The following PHACTR2 variants were observed in gnomAD, a reference collection of about 807,000 sequenced individuals.
PHACTR2 encodes the protein phosphatase and actin regulator 2, also known as chromosome 6 open reading frame 56.
In PHACTR2, 30 loss-of-function variants were observed where a neutral mutation model predicts 76.0. The observed-to-expected ratio is 0.39, with a 90% CI of 0.30 to 0.54. PHACTR2 has a LOEUF of 0.54. PHACTR2 is among the 20% of genes least tolerant of loss of function. PHACTR2 has a pLI of 0.61. For missense variants in PHACTR2, 696 were observed against 781.1 expected (o/e 0.89, Z 1.30); for synonymous variants, 292 against 292.5 (o/e 1.00, Z 0.02).
chr6:143,626,536 C>CAAAAAAAAAAAAAAAAAAAAAAAAAAA (rs35107482), intron 1 of PHACTR2, among the ~76,000 whole-genome samples: 11 of 122,284 alleles, frequency 9.0e-5, no homozygotes, highest in Middle Eastern at 4.2e-3. Context: ...GACTCCGTCT[C>CAAAAAAAAAAAAAAAAAAAAAAAAAAA]AAAAAAAAAA....
At chr6:143,705,181 C>T (rs1011272468) in intron 1 of PHACTR2, among the ~76,000 whole-genome samples, 37 of 151,852 alleles carry the variant, frequency 2.4e-4, no homozygotes, top group African/African-American at 5.8e-4. Context: ...TAAAGTGGCG[C>T]GATCTTGGCT....
In PHACTR2 at chr6:143,722,587, C is replaced by A. The variant is rs544304753; in HGVS notation, c.214+10404C>A. Among the ~76,000 whole-genome samples, 23 of 152,090 alleles carry A rather than the reference C, an allele frequency of 1.5e-4. No homozygotes were observed. The highest frequency in any genetic ancestry group is 2.9e-4 in the Non-Finnish European group (20 of 68,018). On this transcript the variant is annotated intron_variant, in intron 2 of 12. Coordinates refer to ENST00000440869, the MANE Select transcript of PHACTR2 (RefSeq NM_001100164.2). This position sits in a 1 kb window ranked among gnomAD's most constrained non-coding sequence, Gnocchi z 4.1. ...AAATCAAGGTAATTGAGATATACAT[C>A]ACCTCAAACATTTATCGTTTCTTTT...
In PHACTR2 at chr6:143,765,168, A is replaced by G; in HGVS notation, c.695-93A>G. 1.0e-6 allele frequency: 1 copy of G among 974,512 alleles called. No individual in the cohort carries two copies. The highest frequency in any genetic ancestry group is 2.4e-5 in the East Asian group (1 of 41,504). The allele number at this position is 974,512 out of a possible 1,614,324, so 60.4% of individuals were successfully genotyped here. ...TTATTCAACAAACTTTAAAGGGAAC[A>G]TTTTAAATGTTGTTGACAGTTACAC... On this transcript the variant is annotated intron_variant, in intron 5 of 12. Coordinates refer to ENST00000440869, the MANE Select transcript of PHACTR2 (RefSeq NM_001100164.2). This position sits in a 1 kb window ranked among gnomAD's most constrained non-coding sequence, Gnocchi z 4.1.
chr6:143,817,803 G>C (rs1486918170), intron 12 of PHACTR2, among the ~76,000 whole-genome samples: 1 of 152,164 alleles, frequency 6.6e-6, no homozygotes, highest in Non-Finnish European at 1.5e-5. Context: ...CTAAAAAGTT[G>C]ATCTCATTGA....
chr6:143,655,361 T>C (rs1776832228), intron 1 of PHACTR2, among the ~76,000 whole-genome samples: 2 of 152,148 alleles, frequency 1.3e-5, no homozygotes, highest in South Asian at 4.1e-4. Flanking sequence ...GGTTTCTTAC[T>C]GGGTTGATGA....
intron 1 of PHACTR2, among the ~76,000 whole-genome samples, chr6:143,668,881 TC>T (rs1777095365): frequency 6.6e-6 from 1 of 152,222 alleles, no homozygotes; most frequent in South Asian, 2.1e-4. Flanking sequence ...TCAGTTCTGC[TC>T]TGGTCTTAGT....
At chr6:143,729,635 A>G (rs1293888709) in intron 2 of PHACTR2, among the ~76,000 whole-genome samples, 2 of 152,186 alleles carry the variant, frequency 1.3e-5, no homozygotes, top group South Asian at 4.1e-4. Flanking sequence ...TTAAAAATCA[A>G]TAAGCATATA....
chr6:143,628,177 G>C (rs972695955), intron 1 of PHACTR2, among the ~76,000 whole-genome samples: 1 of 152,120 alleles, frequency 6.6e-6, no homozygotes, highest in Non-Finnish European at 1.5e-5. Context: ...ACCACGTTTT[G>C]TTTCTCTATT....
intron 1 of PHACTR2, among the ~76,000 whole-genome samples, chr6:143,563,750 C>A (rs1775317874): frequency 6.6e-6 from 1 of 151,700 alleles, no homozygotes; most frequent in Admixed American, 6.6e-5. Flanking sequence ...AATCCCAGCA[C>A]TTTGGGAGGA....
chr6:143,796,943 G>T (rs1775842154), intron 11 of PHACTR2, among the ~76,000 whole-genome samples: 1 of 152,136 alleles, frequency 6.6e-6, no homozygotes, highest in Non-Finnish European at 1.5e-5. Context: ...GAATTGCTGG[G>T]TCAAGTGGTA....
Position 143,800,697 on chromosome 6 carries a change from T to G in PHACTR2, c.1846-6360T>G, listed in dbSNP as rs1775933208. Among the ~76,000 whole-genome samples, 1 of 152,204 alleles carries G rather than the reference T, an allele frequency of 6.6e-6. No homozygotes were observed. Among genetic ancestry groups the G allele is most frequent in the Non-Finnish European group, 1.5e-5 (1 of 68,036 alleles). ...ATTGGGGCATTTAGCCCATTTACAT[T>G]TAAGGTTAATATTGTTATGTTTGAA... On this transcript the variant is annotated intron_variant, in intron 11 of 12. Coordinates refer to ENST00000440869, the MANE Select transcript of PHACTR2 (RefSeq NM_001100164.2). The surrounding 1 kb of genome is among the most constrained non-coding windows in gnomAD (Gnocchi z 4.8).
Position 143,688,225 on chromosome 6 carries a change from C to T in PHACTR2, c.46+10016C>T, listed in dbSNP as rs767621657. On this transcript the variant is annotated intron_variant, in intron 1 of 12. Transcript: ENST00000440869. This position sits in a 1 kb window ranked among gnomAD's most constrained non-coding sequence, Gnocchi z 5.2. ...AGAGAAATGATTATTGCTTTGCCTC[C>T]GGAGATGAGTTGGCCTGCCGCATGC... is the stretch of plus-strand genomic sequence containing the variant. Among the ~76,000 whole-genome samples the T allele has an allele frequency of 4.6e-5, 7 of 151,512 alleles. No homozygotes were observed. The highest frequency in any genetic ancestry group is 2.1e-4 in the South Asian group (1 of 4,808).
Position 143,807,042 on chromosome 6 carries a change from T to G in PHACTR2, c.1846-15T>G. 6.8e-7 allele frequency: 1 copy of G among 1,480,612 alleles called. No homozygotes were observed. The allele number at this position is 1,480,612 out of a possible 1,614,324, so 91.7% of individuals were successfully genotyped here. A position where few individuals can be genotyped will look rare whatever the true frequency, so the allele number is the denominator to read the frequency against. On this transcript the variant is annotated splice_polypyrimidine_tract_variant and intron_variant, in intron 11 of 12. Transcript: ENST00000440869. This position sits in a 1 kb window ranked among gnomAD's most constrained non-coding sequence, Gnocchi z 5.5. ...TAAATAACAGTTCTGTTTATCTATT[T>G]TTTTTCCTGTTTAGGCAGCAATAAG...
In PHACTR2 at chr6:143,816,524, C is replaced by T. The variant is rs1475415769; in HGVS notation, c.1923-7150C>T. On this transcript the variant is annotated intron_variant, in intron 12 of 12. Coordinates refer to ENST00000440869, the MANE Select transcript of PHACTR2 (RefSeq NM_001100164.2). This position sits in a 1 kb window ranked among gnomAD's most constrained non-coding sequence, Gnocchi z 4.5. ...TCTAAAGAGGGGTCATAGTTCTGAC[C>T]TCTGGCTTTGTGAGCATATTATTGC... Among the ~76,000 whole-genome samples, 1 of 151,968 alleles carries T rather than the reference C, an allele frequency of 6.6e-6. No homozygotes were observed. Among genetic ancestry groups the T allele is most frequent in the Non-Finnish European group, 1.5e-5 (1 of 67,992 alleles).
Position 143,647,845 on chromosome 6 carries a change from G to A in PHACTR2, c.13+39523G>A, listed in dbSNP as rs1776688023. On this transcript the variant is annotated intron_variant, in intron 1 of 11. Coordinates refer to the PHACTR2 transcript ENST00000305766. This position sits in a 1 kb window ranked among gnomAD's most constrained non-coding sequence, Gnocchi z 4.2. Reference sequence around the variant, plus strand: ...AAGGGCAGGTAAGGGAGAGCATAAGGGGAAATGGGCACAGAGCTAGCCACA... The same window carrying A: ...AAGGGCAGGTAAGGGAGAGCATAAGAGGAAATGGGCACAGAGCTAGCCACA... 6.6e-6 allele frequency among the ~76,000 whole-genome samples: 1 copy of A among 152,204 alleles called. No homozygotes were observed. Among genetic ancestry groups the A allele is most frequent in the Non-Finnish European group, 1.5e-5 (1 of 68,028 alleles).
At position 143,621,594 on chromosome 6, in the gene PHACTR2, T is replaced by C. The variant is rs192543703; in HGVS notation, c.13+13272T>C. Among the ~76,000 whole-genome samples, 111 of 152,342 alleles carry C rather than the reference T, an allele frequency of 7.3e-4. 1 individual carries two copies. The highest frequency in any genetic ancestry group is 1.3e-3 in the Non-Finnish European group (88 of 68,020). On this transcript the variant is annotated intron_variant, in intron 1 of 11. Coordinates refer to the PHACTR2 transcript ENST00000305766. The surrounding 1 kb of genome is among the most constrained non-coding windows in gnomAD (Gnocchi z 4.1). ...ACCCCAACCCTTGAATAGTGTGGGA[T>C]TGTGCAAAGGAATGGAATTAGAGTT...
At position 143,571,502 on chromosome 6, in the gene PHACTR2, G is replaced by A. The variant is rs12208244; in HGVS notation, c.217+34295G>A. On this transcript the variant is annotated intron_variant, in intron 1 of 11. Coordinates refer to the PHACTR2 transcript ENST00000367584. The surrounding 1 kb of genome is among the most constrained non-coding windows in gnomAD (Gnocchi z 4.6). ...TCACTGTGGCCTCAAAGTCTTGACT[G>A]AGCTCAAACAATCCTCCCACCTCAG... Among the ~76,000 whole-genome samples, 49,952 of 151,942 alleles carry A rather than the reference G, an allele frequency of 0.33. 8,950 individuals carry two copies. Among genetic ancestry groups the A allele is most frequent in the Non-Finnish European group, 0.4 (27,328 of 67,948 alleles).
In PHACTR2 at chr6:143,782,948, C is replaced by T. The variant is rs1775464742; in HGVS notation, c.1646-271C>T. Among the ~76,000 whole-genome samples the T allele has an allele frequency of 6.6e-6, 1 of 151,052 alleles. No homozygotes were observed. The highest frequency in any genetic ancestry group is 2.1e-4 in the South Asian group (1 of 4,790). On this transcript the variant is annotated intron_variant, in intron 9 of 12. Transcript: ENST00000440869. The surrounding 1 kb of genome is among the most constrained non-coding windows in gnomAD (Gnocchi z 4.6). Reference sequence around the variant, plus strand: ...TGGTTTTTTTAAGAATACAACAAGACATCAGGAAGCAAAAACGTTTAAAAT... The same window carrying T: ...TGGTTTTTTTAAGAATACAACAAGATATCAGGAAGCAAAAACGTTTAAAAT...
rs1015707699 is a variant in PHACTR2, at chr6:143,710,248, G to A, written c.47-1768G>A. 1.3e-5 allele frequency among the ~76,000 whole-genome samples: 2 copies of A among 152,090 alleles called. No homozygotes were observed. Among genetic ancestry groups the A allele is most frequent in the Non-Finnish European group, 2.9e-5 (2 of 68,000 alleles). ...GAGTCTGGGATATTTGAGGCAAAAA[G>A]AAAACCCAGGAATCTCACCACCGTG... On this transcript the variant is annotated intron_variant, in intron 1 of 12. Coordinates refer to ENST00000440869, the MANE Select transcript of PHACTR2 (RefSeq NM_001100164.2). This position sits in a 1 kb window ranked among gnomAD's most constrained non-coding sequence, Gnocchi z 4.9.
Sources: allele counts gnomAD v4.1 joint callset (sites outside exome capture counted in the v4.1 genomes callset), GRCh38; gene constraint gnomAD v4.1.1; non-coding constraint Gnocchi (gnomAD v3.1); transcripts MANE v1.5; gene names NCBI Gene and HGNC (gene_info 2026-07-23, HGNC 2026-07-21).